The following SPACA6 variants were observed in gnomAD, a reference collection of about 807,000 sequenced individuals.
The protein encoded by SPACA6 is sperm acrosome associated 6, also known as sperm acrosome membrane-associated protein 6.
For synonymous variants in SPACA6, 6 were observed against 1.5 expected, an observed-to-expected ratio of 4.05 and a Z score of -2.21; for missense variants, 8 against 2.8, an observed-to-expected ratio of 2.88 and a Z score of -1.34.
At chr19:51,704,676 G>A in intron 8 of SPACA6, 196 bp downstream of exon 8, 2 of 396,096 alleles carry the variant, frequency 5.0e-6, no homozygotes, top group African/African-American at 2.1e-5. Context: ...TCCTCCCTTA[G>A]ATCTAAGAGT....
At chr19:51,684,070 A>G in the SPACA6 span, among the ~76,000 whole-genome samples, 1 of 152,248 alleles carries the variant, frequency 6.6e-6, no homozygotes, top group Non-Finnish European at 1.5e-5. Context: ...CAGACAATGA[A>G]TGATAAATAT....
chr19:51,704,211 G>A, intron 7 of SPACA6, 25 bp downstream of exon 7: 1 of 401,004 alleles, frequency 2.5e-6, no homozygotes, highest in Non-Finnish European at 4.4e-6. Context: ...GGCCGCGTGA[G>A]TGAGCGGGGT....
At chr19:51,705,236 G>A, downstream of SPACA6, 1 of 399,838 alleles carries the variant, frequency 2.5e-6, no homozygotes, top group Non-Finnish European at 4.4e-6. Flanking sequence ...CAGGTAGGAG[G>A]AGGTGCAGCA....
At chr19:51,695,822 G>T (rs1046229932) in intron 2 of SPACA6, among the ~76,000 whole-genome samples, 5 of 152,144 alleles carry the variant, frequency 3.3e-5, no homozygotes, top group Admixed American at 6.5e-5. Context: ...AGGCCCGAGT[G>T]GGGGCTGGGG....
chr19:51,697,234 C>T (rs2083436871), intron 2 of SPACA6, among the ~76,000 whole-genome samples: 1 of 152,148 alleles, frequency 6.6e-6, no homozygotes, highest in Non-Finnish European at 1.5e-5. Context: ...CACAGAGAGA[C>T]AGGATCTGAC....
chr19:51,692,966 G>C (rs1161976665), upstream of SPACA6: 1 of 452,444 alleles, frequency 2.2e-6, no homozygotes, highest in African/African-American at 2.0e-5. The surrounding 1 kb of genome is among the most constrained non-coding windows in gnomAD (Gnocchi z 5.6). Flanking sequence ...GAAGAGCCGG[G>C]CTCTTTTCTG....
intron 2 of SPACA6, among the ~76,000 whole-genome samples, chr19:51,701,163 G>T (rs570287662): frequency 1.4e-4 from 22 of 152,128 alleles, no homozygotes; most frequent in African/African-American, 5.3e-4. Context: ...CGGAGGTTGC[G>T]GTGAGCCGAG....
At position 51,704,311 on chromosome 19, in the gene SPACA6, T is replaced by A; in HGVS notation, c.772T>A (p.Ser258Thr). The A allele has an allele frequency of 2.5e-6, 1 of 400,782 alleles. No homozygotes were observed. The allele number at this position is 400,782 out of a possible 1,614,324, so 24.8% of individuals were successfully genotyped here. The part of the protein sequence containing the change: ...PPRAETELQA[S>T]FREVLRWAPR... ...GCGGGCGGAGACAGAGTTGCAGGCC[T>A]CGTTCCGGGAAGTGCTGCGCTGGGC... Residue 258 changes from serine to threonine, a missense_variant, in exon 8 of 9, where the codon TCG becomes ACG. Physicochemically the swap from Ser to Thr is moderately conservative, Grantham distance 58 (BLOSUM62 1). Coordinates refer to ENST00000637797, the MANE Select transcript of SPACA6 (RefSeq NM_001316972.2).
intron 2 of SPACA6, among the ~76,000 whole-genome samples, chr19:51,698,148 A>G (rs2083443616): frequency 6.6e-6 from 1 of 152,170 alleles, no homozygotes; most frequent in Non-Finnish European, 1.5e-5. Flanking sequence ...AGGATCAGGA[A>G]GGTGAAGTCA....
intron 3 of SPACA6, 44 bp downstream of exon 3, chr19:51,701,770 C>T (rs748051106): frequency 1.3e-4 from 50 of 396,066 alleles, no homozygotes; most frequent in Non-Finnish European, 2.1e-4. Flanking sequence ...CACACACACA[C>T]AATTAGAAAA....
At chr19:51,697,075 G>T (rs568694825) in intron 2 of SPACA6, among the ~76,000 whole-genome samples, 41 of 152,310 alleles carry the variant, frequency 2.7e-4, no homozygotes, top group African/African-American at 9.1e-4. Flanking sequence ...GAGGTCCAAG[G>T]TAGGGCCCAG....
chr19:51,693,985 G>T (rs1195236334), intron 1 of SPACA6: 2 of 348,136 alleles, frequency 5.7e-6, no homozygotes, highest in Non-Finnish European at 1.0e-5. Context: ...CAGAGAGGGG[G>T]AGGATGGAGA....
downstream of SPACA6, among the ~76,000 whole-genome samples, chr19:51,710,046 C>G (rs1203960661): frequency 2.0e-5 from 3 of 152,068 alleles, no homozygotes; most frequent in Non-Finnish European, 1.5e-5. Flanking sequence ...GAACTGAATC[C>G]ATAATCTTAG....
chr19:51,704,216 C>T (rs2083495039), intron 7 of SPACA6, 30 bp downstream of exon 7: 2 of 400,686 alleles, frequency 5.0e-6, no homozygotes, highest in Non-Finnish European at 8.8e-6. Flanking sequence ...CGTGAGTGAG[C>T]GGGGTCGGGA....
chr19:51,693,883 C>T (rs745517163), intron 1 of SPACA6, 143 bp downstream of exon 1: 70 of 397,630 alleles, frequency 1.8e-4, no homozygotes, highest in Non-Finnish European at 2.6e-4. Flanking sequence ...ACAACAGAGA[C>T]TTAGGGACAG....
upstream of SPACA6, among the ~76,000 whole-genome samples, chr19:51,684,405 C>G (rs958825508): frequency 4.6e-5 from 7 of 152,104 alleles, no homozygotes; most frequent in Non-Finnish European, 8.8e-5. Flanking sequence ...TATAGGGAAA[C>G]CCTCCCCAAA....
At chr19:51,712,410 A>G (rs538022790), downstream of SPACA6, 2 of 152,334 alleles carry the variant, frequency 1.3e-5, no homozygotes, top group African/African-American at 4.8e-5. Flanking sequence ...ACCGAAATAG[A>G]AATGGAACAG....
chr19:51,706,115 A>G (rs1229556420), downstream of SPACA6, among the ~76,000 whole-genome samples: 1 of 152,154 alleles, frequency 6.6e-6, no homozygotes, highest in East Asian at 1.9e-4. Flanking sequence ...GAGGTTCCAC[A>G]GGTCTGGCCT....
At chr19:51,689,558 C>T (rs1033632940), upstream of SPACA6, 1 of 150,446 alleles carries the variant, frequency 6.6e-6, no homozygotes. Context: ...GACCCCTTCC[C>T]TGCGACGCGG....
Sources: allele counts gnomAD v4.1 joint callset (sites outside exome capture counted in the v4.1 genomes callset), GRCh38; gene constraint gnomAD v4.1.1; non-coding constraint Gnocchi (gnomAD v3.1); transcripts MANE v1.5; gene names NCBI Gene and HGNC (gene_info 2026-07-23, HGNC 2026-07-21).